Variants in BAIAP2L1 observed in about 807,000 individuals in gnomAD.
BAIAP2L1 encodes BAR/IMD domain containing adaptor protein 2 like 1, also known as BAR/IMD domain-containing adapter protein 2-like 1.
A neutral mutation model predicts 66.3 loss-of-function variants in BAIAP2L1; 35 were observed. That is an observed-to-expected ratio of 0.53 (90% CI 0.40 to 0.70). The LOEUF is 0.70. Among genes scored for constraint, BAIAP2L1 ranks in the 30% least tolerant of loss-of-function variants. The pLI is 0.00. For synonymous variants in BAIAP2L1, 269 were observed against 248.7 expected, an observed-to-expected ratio of 1.08 and a Z score of -0.77; for missense variants, 622 against 656.9, an observed-to-expected ratio of 0.95 and a Z score of 0.58.
intron 1 of BAIAP2L1, among the ~76,000 whole-genome samples, chr7:98,370,454 ACTT>A (rs1802485474): frequency 6.6e-6 from 1 of 151,242 alleles, no homozygotes; most frequent in Non-Finnish European, 1.5e-5. Flanking sequence ...CAACATATAT[ACTT>A]CTTTATTACT....
chr7:98,303,551 A>G lies in BAIAP2L1; in HGVS notation c.1422+645T>C, dbSNP rs1380289539. Among the ~76,000 whole-genome samples, 4 of 152,260 alleles carry G rather than the reference A, an allele frequency of 2.6e-5. No homozygotes were observed. In the East Asian group the frequency reaches 5.8e-4, roughly 22 times the overall value. The stretch of plus-strand genomic sequence containing the variant: ...TATTTTTTATTGTCTGCTTCCTATC[A>G]CTAGAACAGAAGTTCTGAAGAGGCA... On this transcript the variant is annotated intron_variant, in intron 12 of 13. Coordinates refer to ENST00000005260, the MANE Select transcript of BAIAP2L1 (RefSeq NM_018842.5).
At position 98,292,052 on chromosome 7, in the gene BAIAP2L1, G is replaced by A. The variant is rs934902159; in HGVS notation, c.*1469C>T. The A allele has an allele frequency of 3.3e-5, 5 of 153,634 alleles. No homozygotes were observed. Among genetic ancestry groups the A allele is most frequent in the African/African-American group, 1.2e-4 (5 of 41,466 alleles). 9.5% of individuals were successfully genotyped at this position (153,634 alleles called of 1,614,324 possible). On this transcript the variant is annotated 3_prime_UTR_variant, in exon 14 of 14. Coordinates refer to ENST00000005260, the MANE Select transcript of BAIAP2L1 (RefSeq NM_018842.5). Reference sequence around the variant, plus strand: ...TTCATGGTGCCTGCAGCCCCTTCATGGTGGGGGTGCCTGGTTTGTCCTCCC... The same window carrying A: ...TTCATGGTGCCTGCAGCCCCTTCATAGTGGGGGTGCCTGGTTTGTCCTCCC...
At chr7:98,306,724 T>G in intron 10 of BAIAP2L1, 1 of 700,326 alleles carries the variant, frequency 1.4e-6, no homozygotes, top group Non-Finnish European at 2.2e-6. Context: ...TTTTTTTTAA[T>G]AGAGACAGGG....
intron 1 of BAIAP2L1, among the ~76,000 whole-genome samples, chr7:98,371,007 G>C (rs1238294623): frequency 6.6e-6 from 1 of 152,184 alleles, no homozygotes; most frequent in Non-Finnish European, 1.5e-5. Flanking sequence ...CTGTAGTTGA[G>C]GCAAAGGTCG....
intron 1 of BAIAP2L1, among the ~76,000 whole-genome samples, chr7:98,377,414 C>T (rs1802658744): frequency 6.6e-6 from 1 of 152,148 alleles, no homozygotes. Flanking sequence ...TAGCCATTTC[C>T]ATGCCTGAAA....
Position 98,318,215 on chromosome 7 carries a change from C to T in BAIAP2L1, c.349-859G>A, listed in dbSNP as rs565931454. Among the ~76,000 whole-genome samples, 3 of 152,342 alleles carry T rather than the reference C, an allele frequency of 2.0e-5. No homozygotes were observed. The South Asian group carries it at 6.2e-4, about 32-fold the overall frequency. ...GAGCCCCCGACCAGAAGCCAAGTCT[C>T]TAAGGACATCTTCTCTTTCTTTTAT... On this transcript the variant is annotated intron_variant, in intron 5 of 13. Coordinates refer to ENST00000005260, the MANE Select transcript of BAIAP2L1 (RefSeq NM_018842.5).
rs182916668 is a variant in BAIAP2L1 at position 98,325,492 on chromosome 7, A to G, written c.215-5194T>C. Reference sequence around the variant, plus strand: ...CAGTAGTTTGAGACCAGCCTGGCCAACATGGGAAAACTCCATCTCTACTAA... The same window carrying G: ...CAGTAGTTTGAGACCAGCCTGGCCAGCATGGGAAAACTCCATCTCTACTAA... On this transcript the variant is annotated intron_variant, in intron 3 of 13. Coordinates refer to ENST00000005260, the MANE Select transcript of BAIAP2L1 (RefSeq NM_018842.5). Among the ~76,000 whole-genome samples, 7 of 152,248 alleles carry G rather than the reference A, an allele frequency of 4.6e-5. No homozygotes were observed. The East Asian group carries it at 1.4e-3, about 29-fold the overall frequency.
At chr7:98,340,766 G>A (rs1193254805) in intron 3 of BAIAP2L1, among the ~76,000 whole-genome samples, 1 of 151,308 alleles carries the variant, frequency 6.6e-6, no homozygotes, top group Non-Finnish European at 1.5e-5. Flanking sequence ...CACGACACAT[G>A]GACTTCCACA....
intron 3 of BAIAP2L1, among the ~76,000 whole-genome samples, chr7:98,335,180 T>A (rs71552580): frequency 0.065 from 4,238 of 65,598 alleles, 375 homozygotes; most frequent in Non-Finnish European, 0.11. Context: ...AAAAAAAAAA[T>A]TTATCTCCCA....
chr7:98,313,594 G>C (rs976191205), intron 7 of BAIAP2L1, among the ~76,000 whole-genome samples: 4 of 152,054 alleles, frequency 2.6e-5, no homozygotes, highest in Non-Finnish European at 4.4e-5. Context: ...ACCTAATACA[G>C]CAACTATTTC....
rs571174702 is a variant in BAIAP2L1 at position 98,312,376 on chromosome 7, G to A, written c.640-112C>T. The A allele has an allele frequency of 1.3e-4, 162 of 1,215,174 alleles. 2 individuals carry two copies. The South Asian group carries it at 1.5e-3, about 12-fold the overall frequency. 75.3% of individuals were successfully genotyped at this position (1,215,174 alleles called of 1,614,324 possible). On this transcript the variant is annotated intron_variant, in intron 7 of 13. Transcript: ENST00000005260. ...AGATTACTGGCTTAGCACCAGGAGT[G>A]TGGGGGCCCTGGGTTAAACTCGGTG... is the stretch of plus-strand genomic sequence containing the variant.
rs369646507 is a variant in BAIAP2L1, at chr7:98,293,458, G to A, written c.*63C>T. ...CCCGACCGTCAGCACGTGGCAGACAGGATGCGCCCATCATTCCGCAAGGGA... is the reference window on the plus strand; with the variant it reads ...CCCGACCGTCAGCACGTGGCAGACAAGATGCGCCCATCATTCCGCAAGGGA... On this transcript the variant is annotated 3_prime_UTR_variant, in exon 14 of 14. Coordinates refer to ENST00000005260, the MANE Select transcript of BAIAP2L1 (RefSeq NM_018842.5). 6.8e-6 allele frequency: 10 copies of A among 1,476,584 alleles called. No individual in the cohort carries two copies. The African/African-American group carries it at 1.4e-4, about 20-fold the overall frequency. The allele number at this position is 1,476,584 out of a possible 1,614,324, so 91.5% of individuals were successfully genotyped here.
At chr7:98,385,334 C>A (rs927468846) in intron 1 of BAIAP2L1, among the ~76,000 whole-genome samples, 1 of 151,924 alleles carries the variant, frequency 6.6e-6, no homozygotes, top group Non-Finnish European at 1.5e-5. Context: ...GCGGCCTTTG[C>A]GATCTGAGGA....
intron 1 of BAIAP2L1, among the ~76,000 whole-genome samples, chr7:98,366,786 C>T (rs1023494205): frequency 2.6e-5 from 4 of 152,244 alleles, no homozygotes; most frequent in African/African-American, 4.8e-5. Context: ...AACTCCCCCA[C>T]GATCCTCTCT....
chr7:98,370,662 C>T (rs1802491370), intron 1 of BAIAP2L1, among the ~76,000 whole-genome samples: 1 of 151,892 alleles, frequency 6.6e-6, no homozygotes, highest in African/African-American at 2.4e-5. Flanking sequence ...CCACCATGCC[C>T]AGCTAATTTT....
rs151306480 is a variant in BAIAP2L1, at chr7:98,300,109, A to T, written c.1422+4087T>A. Among the ~76,000 whole-genome samples, 7 of 152,338 alleles carry T rather than the reference A, an allele frequency of 4.6e-5. No homozygotes were observed. The East Asian group carries it at 1.3e-3, about 29-fold the overall frequency. ...TCCTTCGTTGCACCATCCGTTTTTC[A>T]AGTGCTCTGCTGCCCTGTGTGCCCT... On this transcript the variant is annotated intron_variant, in intron 12 of 13. Transcript: ENST00000005260.
chr7:98,344,846 G>T (rs1192859958), intron 3 of BAIAP2L1, among the ~76,000 whole-genome samples: 1 of 152,232 alleles, frequency 6.6e-6, no homozygotes, highest in Non-Finnish European at 1.5e-5. Flanking sequence ...TGAGGCAGGA[G>T]AATCACTTGA....
chr7:98,314,013 TCTTG>T (rs1201592539), intron 7 of BAIAP2L1, among the ~76,000 whole-genome samples: 2 of 130,078 alleles, frequency 1.5e-5, no homozygotes, highest in Non-Finnish European at 3.2e-5. Context: ...TGAGACAGAG[TCTTG>T]CTCTGTTGCC....
At chr7:98,345,351 TA>T (rs766730633) in intron 3 of BAIAP2L1, among the ~76,000 whole-genome samples, 14 of 151,280 alleles carry the variant, frequency 9.3e-5, no homozygotes, top group African/African-American at 1.9e-4. Context: ...AACTCAATAA[TA>T]AAAAAAAACA....
Sources: gnomAD v4.1 joint callset for allele counts (sites outside exome capture counted in the v4.1 genomes callset) on GRCh38, gnomAD v4.1.1 for gene constraint, MANE v1.5 for transcripts, NCBI Gene and HGNC (gene_info 2026-07-23, HGNC 2026-07-21) for gene names.